The following PRKD1 variants were observed in gnomAD, a reference collection of about 807,000 sequenced individuals.
PRKD1 encodes protein kinase D1, also known as serine/threonine-protein kinase D1.
Under a neutral mutation model 95.9 loss-of-function variants are expected in PRKD1, and 63 were observed. That is an observed-to-expected ratio of 0.66 (90% CI 0.54 to 0.81). The LOEUF is 0.81. PRKD1 is among the 30% of genes least tolerant of loss of function. The pLI is 0.00. For synonymous variants in PRKD1, 425 were observed against 423.1 expected (o/e 1.00, Z -0.05); for missense variants, 1,048 against 1,165.3 (o/e 0.90, Z 1.47).
At chr14:29,901,190 A>C (rs1049608852) in intron 1 of PRKD1, among the ~76,000 whole-genome samples, 3 of 152,218 alleles carry the variant, frequency 2.0e-5, no homozygotes, top group Non-Finnish European at 4.4e-5. Flanking sequence ...CTTTGCAGCA[A>C]CATGGATGGA....
intron 1 of PRKD1, among the ~76,000 whole-genome samples, chr14:29,728,677 A>T (rs1207904098): frequency 1.3e-5 from 2 of 152,154 alleles, no homozygotes; most frequent in African/African-American, 4.8e-5. Flanking sequence ...GTTCACCCAC[A>T]AATGGACATT....
intron 1 of PRKD1, among the ~76,000 whole-genome samples, chr14:29,907,260 C>T (rs936300248): frequency 4.6e-5 from 7 of 152,166 alleles, no homozygotes; most frequent in African/African-American, 1.7e-4. Context: ...TCCCTAGCTA[C>T]ATCTTATCTC....
At chr14:29,744,914 T>C (rs1887143248) in intron 1 of PRKD1, among the ~76,000 whole-genome samples, 1 of 152,110 alleles carries the variant, frequency 6.6e-6, no homozygotes, top group Non-Finnish European at 1.5e-5. Context: ...CATAGAATCA[T>C]CCCAAAGTCA....
At chr14:29,595,746 G>A (rs1445781320) in intron 16 of PRKD1, among the ~76,000 whole-genome samples, 1 of 152,186 alleles carries the variant, frequency 6.6e-6, no homozygotes, top group Non-Finnish European at 1.5e-5. Context: ...AAGACATGAA[G>A]GTTGTTTCCC....
intron 2 of PRKD1, among the ~76,000 whole-genome samples, chr14:29,694,668 T>C (rs908156745): frequency 5.9e-5 from 9 of 151,866 alleles, no homozygotes; most frequent in Admixed American, 4.6e-4. Context: ...GAGGAGAAAA[T>C]ATAAAGCAAG....
chr14:29,715,938 G>A (rs1347568450), intron 2 of PRKD1, among the ~76,000 whole-genome samples: 2 of 152,128 alleles, frequency 1.3e-5, no homozygotes, highest in African/African-American at 4.8e-5. Flanking sequence ...ACAAGCTAAT[G>A]CCTTACTATA....
At chr14:29,828,779 G>A (rs946559238) in intron 1 of PRKD1, among the ~76,000 whole-genome samples, 2 of 152,246 alleles carry the variant, frequency 1.3e-5, no homozygotes. Flanking sequence ...GAAACCACCT[G>A]TATAAGATTT....
intron 13 of PRKD1, among the ~76,000 whole-genome samples, chr14:29,606,481 T>C (rs994042448): frequency 1.1e-4 from 16 of 152,206 alleles, no homozygotes; most frequent in African/African-American, 3.9e-4. Flanking sequence ...AGTGTTTTTG[T>C]AAAGATTTCA....
chr14:29,650,660 A>T, intron 4 of PRKD1: 1 of 152,236 alleles, frequency 6.6e-6, no homozygotes, highest in East Asian at 1.9e-4. Flanking sequence ...TTGCCTTTTA[A>T]GCAGTTTTTG....
chr14:29,681,096 T>C (rs1439509173), intron 2 of PRKD1, among the ~76,000 whole-genome samples: 1 of 152,182 alleles, frequency 6.6e-6, no homozygotes, highest in Non-Finnish European at 1.5e-5. Flanking sequence ...GAATAAGAAA[T>C]GGTCTAGGAA....
intron 1 of PRKD1, among the ~76,000 whole-genome samples, chr14:29,729,128 G>A (rs969011569): frequency 5.9e-5 from 9 of 151,916 alleles, no homozygotes; most frequent in South Asian, 2.1e-4. Context: ...TCTACAAATC[G>A]CATTGTTTAA....
chr14:29,622,079 G>C lies in PRKD1; in HGVS notation c.1905+2073C>G, dbSNP rs75671363. Among the ~76,000 whole-genome samples the C allele has an allele frequency of 2.9e-3, 438 of 152,310 alleles. 1 individual carries two copies. The highest frequency in any genetic ancestry group is 9.3e-3 in the African/African-American group (385 of 41,574). ...AGTGGAAGACAGTTTTTCCATGGGA[G>C]CATGGAGGGGGCGGGCATTTAATTC... is the stretch of plus-strand genomic sequence containing the variant. On this transcript the variant is annotated intron_variant, in intron 13 of 17. Transcript: ENST00000331968.
intron 1 of PRKD1, among the ~76,000 whole-genome samples, chr14:29,862,135 ATCT>A (rs1892733110): frequency 6.6e-6 from 1 of 152,112 alleles, no homozygotes; most frequent in Non-Finnish European, 1.5e-5. Context: ...TGTGAGGTTT[ATCT>A]TTCTGTGCCT....
intron 1 of PRKD1, among the ~76,000 whole-genome samples, chr14:29,882,449 C>G (rs1012183563): frequency 1.3e-5 from 2 of 152,148 alleles, no homozygotes; most frequent in Non-Finnish European, 2.9e-5. Flanking sequence ...TAAATAAGCT[C>G]CAGTCCAAAT....
chr14:29,831,250 T>C (rs562461560), intron 1 of PRKD1, among the ~76,000 whole-genome samples: 1 of 152,070 alleles, frequency 6.6e-6, no homozygotes, highest in Non-Finnish European at 1.5e-5. Context: ...ATTTACAAAA[T>C]AGGCCTAAAG....
At chr14:29,894,717 T>C (rs1426583742) in intron 1 of PRKD1, among the ~76,000 whole-genome samples, 1 of 152,168 alleles carries the variant, frequency 6.6e-6, no homozygotes, top group Admixed American at 6.5e-5. Context: ...TTGGATTACA[T>C]GGTGGAGAGA....
At position 29,744,357 on chromosome 14, in the gene PRKD1, C is replaced by T. The variant is rs141259633; in HGVS notation, c.265-18683G>A. On this transcript the variant is annotated intron_variant, in intron 1 of 17. Coordinates refer to ENST00000331968, the MANE Select transcript of PRKD1 (RefSeq NM_002742.3). ...TTTCTCTCTCACATATCTAATCTGT[C>T]AACAGATCTTGTTGCCTGTACATTA... is the stretch of plus-strand genomic sequence containing the variant. Among the ~76,000 whole-genome samples, 120 of 152,236 alleles carry T rather than the reference C, an allele frequency of 7.9e-4. No individual in the cohort carries two copies. In the Middle Eastern group the frequency reaches 0.01, roughly 13 times the overall value.
intron 1 of PRKD1, among the ~76,000 whole-genome samples, chr14:29,803,770 A>G (rs1260238224): frequency 6.6e-6 from 1 of 152,196 alleles, no homozygotes; most frequent in Non-Finnish European, 1.5e-5. Flanking sequence ...TAACTTTTGA[A>G]CATCATTTTA....
chr14:29,710,423 C>T (rs900566393), intron 2 of PRKD1, among the ~76,000 whole-genome samples: 1 of 151,982 alleles, frequency 6.6e-6, no homozygotes, highest in Admixed American at 6.6e-5. Flanking sequence ...GTATTCTTCC[C>T]CAGAATCTGT....
Sources: allele counts gnomAD v4.1 joint callset (sites outside exome capture counted in the v4.1 genomes callset), GRCh38; gene constraint gnomAD v4.1.1; transcripts MANE v1.5; gene names NCBI Gene and HGNC (gene_info 2026-07-23, HGNC 2026-07-21).